The following UBXN6 variants were observed in gnomAD, a reference collection of about 807,000 sequenced individuals.
The protein encoded by UBXN6 is UBX domain-containing protein 6.
A neutral mutation model predicts 51.4 loss-of-function variants in UBXN6; 44 were observed. The ratio of observed to expected loss-of-function variants is 0.86; its 90% CI spans 0.67 to 1.10. UBXN6 has a LOEUF of 1.10. UBXN6 is among the 50% of genes least tolerant of loss of function. The pLI is 0.00. For missense variants in UBXN6, 672 were observed against 596.1 expected (o/e 1.13, Z -1.32); for synonymous variants, 316 against 263.2 (o/e 1.20, Z -1.94).
intron 4 of UBXN6, chr19:4,448,656 A>G: frequency 1.8e-6 from 1 of 555,418 alleles, no homozygotes; most frequent in Non-Finnish European, 3.2e-6. Context: ...CCGCCTTCTC[A>G]AGGCTAGATC....
Position 4,457,610 on chromosome 19 carries a change from C to T in UBXN6, c.83+5G>A, listed in dbSNP as rs1162876950. On this transcript the variant is annotated splice_donor_5th_base_variant and intron_variant, in intron 1 of 10. Coordinates refer to ENST00000301281, the MANE Select transcript of UBXN6 (RefSeq NM_025241.3). ...GGGCCTCAAGCCCCTGCGTTCCTCA[C>T]GCACCCCACGGACTCTTTGAGCTTC... 1.3e-6 allele frequency: 2 copies of T among 1,592,902 alleles called. No individual in the cohort carries two copies. The highest frequency in any genetic ancestry group is 8.5e-7 in the Non-Finnish European group (1 of 1,171,638).
chr19:4,455,616 C>T (rs1466443551), intron 1 of UBXN6, among the ~76,000 whole-genome samples: 3 of 152,152 alleles, frequency 2.0e-5, no homozygotes, highest in Non-Finnish European at 4.4e-5. Context: ...AGAGCCCTTC[C>T]CAGCCTGGCC....
At chr19:4,448,663 G>C (rs764515567) in intron 4 of UBXN6, 2 of 542,022 alleles carry the variant, frequency 3.7e-6, no homozygotes, top group East Asian at 3.1e-5. Flanking sequence ...CTCAAGGCTA[G>C]ATCCATGGGA....
chr19:4,457,640 C>T lies in UBXN6; in HGVS notation c.58G>A (p.Gly20Ser), dbSNP rs747449598. The change falls in exon 1 of 11, where the codon GGT becomes AGT. Residue 20 changes from glycine to serine, a missense_variant. Coordinates refer to ENST00000301281, the MANE Select transcript of UBXN6 (RefSeq NM_025241.3). The stretch of plus-strand genomic sequence containing the variant: ...CCCACGGACTCTTTGAGCTTCTGAC[C>T]GGGTCCCGCGCTCTTGAACTTGATG... ...ADIKFKSAGP[G>S]QKLKESVGEK... is the part of the protein sequence containing the mutation. 75 of 1,601,174 alleles carry T rather than the reference C, an allele frequency of 4.7e-5. 1 individual carries two copies. The South Asian group carries it at 7.7e-4, about 17-fold the overall frequency.
chr19:4,452,056 C>G (rs1001372856), intron 4 of UBXN6, among the ~76,000 whole-genome samples: 2 of 149,564 alleles, frequency 1.3e-5, no homozygotes, highest in African/African-American at 2.5e-5. Flanking sequence ...GGCTGAGGCA[C>G]GAGAATCGTT....
rs761524177 is a variant in UBXN6 at position 4,446,355 on chromosome 19, C to G, written c.979G>C (p.Glu327Gln). The G allele has an allele frequency of 4.6e-5, 73 of 1,571,822 alleles. No individual in the cohort carries two copies. In the South Asian group the frequency reaches 4.7e-4, roughly 10 times the overall value. Residue 327 changes from glutamate (E) to glutamine (Q), a missense_variant, in exon 9 of 11, where the codon GAG becomes CAG. Transcript: ENST00000301281. ...LRTKAMREKE[E>Q]QRGLRKYNYT... Reference sequence around the variant, plus strand: ...TTGTACTTGCGCAGCCCCCGCTGCTCCTCCTTCTCCCGCATGGCCTTGGTC... The same window carrying G: ...TTGTACTTGCGCAGCCCCCGCTGCTGCTCCTTCTCCCGCATGGCCTTGGTC...
chr19:4,451,231 A>G (rs1283247222), intron 4 of UBXN6, among the ~76,000 whole-genome samples: 2 of 151,688 alleles, frequency 1.3e-5, no homozygotes, highest in African/African-American at 4.8e-5. Context: ...TAATTTTTGT[A>G]TATTTAGTAG....
At chr19:4,454,832 G>C (rs1000308323) in intron 1 of UBXN6, 3 of 152,258 alleles carry the variant, frequency 2.0e-5, no homozygotes, top group African/African-American at 7.2e-5. Context: ...TGTGTGCCAG[G>C]ACCCTGCTGG....
Position 4,446,366 on chromosome 19 carries a change from C to G in UBXN6, c.968G>C (p.Arg323Pro). The G allele has an allele frequency of 6.4e-7, 1 of 1,573,636 alleles. No homozygotes were observed. The highest frequency in any genetic ancestry group is 8.6e-7 in the Non-Finnish European group (1 of 1,166,486). ...CAGCCCCCGCTGCTCCTCCTTCTCC[C>G]GCATGGCCTTGGTCCGCAGCACGCT... ...RLSVLRTKAM[R>P]EKEEQRGLRK... Residue 323 changes from arginine (R) to proline (P), a missense_variant, in exon 9 of 11, where the codon CGG becomes CCG. Coordinates refer to ENST00000301281, the MANE Select transcript of UBXN6 (RefSeq NM_025241.3).
chr19:4,447,515 C>T (rs760327455), intron 6 of UBXN6, 35 bp downstream of exon 6: 18 of 1,611,728 alleles, frequency 1.1e-5, no homozygotes, highest in Non-Finnish European at 1.4e-5. Context: ...CCCCCACCCC[C>T]AGCCTGGGCC....
intron 2 of UBXN6, 28 bp from the exon 3 acceptor site, chr19:4,453,550 A>C (rs1974691895): frequency 1.7e-5 from 28 of 1,611,074 alleles, no homozygotes; most frequent in African/African-American, 2.7e-5. Context: ...AAAGAGAGGC[A>C]GAGACGGGAT....
intron 5 of UBXN6, 194 bp downstream of exon 5, chr19:4,448,124 G>A (rs546908536): frequency 2.9e-4 from 176 of 605,928 alleles, no homozygotes; most frequent in African/African-American, 2.8e-3. Context: ...TTTTGCACAC[G>A]GGTAAACTGA....
chr19:4,447,795 C>T, intron 5 of UBXN6, 170 bp from the exon 6 acceptor site: 1 of 656,380 alleles, frequency 1.5e-6, no homozygotes, highest in Non-Finnish European at 2.7e-6. Context: ...GAAGGCACAC[C>T]TCGGACACCC....
Position 4,446,209 on chromosome 19 carries a change from G to C in UBXN6, c.1052-12C>G. ...AGCGTAGAAAGTGCCTGGGGAGTGG[G>C]GGAGTCAGAGCGGGTGGGGCCCAGG... On this transcript the variant is annotated splice_polypyrimidine_tract_variant and intron_variant, in intron 9 of 10. Transcript: ENST00000301281. The C allele has an allele frequency of 6.3e-7, 1 of 1,594,578 alleles. No homozygotes were observed. Among genetic ancestry groups the C allele is most frequent in the Non-Finnish European group, 8.5e-7 (1 of 1,173,982 alleles).
intron 5 of UBXN6, 85 bp downstream of exon 5, chr19:4,448,233 G>C: frequency 8.0e-7 from 1 of 1,243,046 alleles, no homozygotes; most frequent in East Asian, 2.5e-5. Context: ...GGTAATGAGG[G>C]GGCCAGAGGG....
In UBXN6 at chr19:4,453,609, G is replaced by A. The variant is rs1174522873; in HGVS notation, c.248-87C>T. ...CCAAGCCCCCTCATTCCCGGGGTGG[G>A]CCTGGGGGCCACGCACACCGCCCCA... On this transcript the variant is annotated intron_variant, in intron 2 of 10. Transcript: ENST00000301281. The A allele has an allele frequency of 4.7e-6, 7 of 1,497,342 alleles. No individual in the cohort carries two copies. The East Asian group carries it at 1.4e-4, about 30-fold the overall frequency. 92.8% of individuals were successfully genotyped at this position (1,497,342 alleles called of 1,614,324 possible).
At chr19:4,450,696 T>C (rs1974637065) in intron 4 of UBXN6, 1 of 132,884 alleles carries the variant, frequency 7.5e-6, no homozygotes, top group Non-Finnish European at 1.5e-5. Context: ...TAGGCGGAGC[T>C]TGCAGTGAGC....
At chr19:4,455,201 G>A (rs1974723795) in intron 1 of UBXN6, 1 of 985,502 alleles carries the variant, frequency 1.0e-6, no homozygotes, top group Non-Finnish European at 1.2e-6. Flanking sequence ...TCTCCTCTCA[G>A]GCCCCTCCCA....
At chr19:4,457,384 G>A (rs1219476696) in intron 1 of UBXN6, among the ~76,000 whole-genome samples, 2 of 90,334 alleles carry the variant, frequency 2.2e-5, no homozygotes, top group Non-Finnish European at 4.4e-5. Flanking sequence ...CCGCGCCCCC[G>A]GGTCATACCC....
Sources: gnomAD v4.1 joint callset for allele counts (sites outside exome capture counted in the v4.1 genomes callset) on GRCh38, gnomAD v4.1.1 for gene constraint, MANE v1.5 for transcripts, NCBI Gene and HGNC (gene_info 2026-07-23, HGNC 2026-07-21) for gene names.